Variants in CEP20 observed in about 807,000 individuals in gnomAD.
The protein encoded by CEP20 is FGFR1OP N-terminal like.
In CEP20, 18 loss-of-function variants were observed where a neutral mutation model predicts 20.0. That is an observed-to-expected ratio of 0.90 (90% CI 0.62 to 1.34). The LOEUF (loss-of-function observed/expected upper bound fraction) is 1.34, where lower values mean the gene tolerates loss of function less well. CEP20 is among the 40% of genes most tolerant of loss of function. The pLI is 0.00. For synonymous variants in CEP20, 77 were observed against 73.7 expected, an observed-to-expected ratio of 1.04 and a Z score of -0.23; for missense variants, 215 against 201.6, an observed-to-expected ratio of 1.07 and a Z score of -0.40.
intron 4 of CEP20, among the ~76,000 whole-genome samples, chr16:15,868,283 C>T (rs754747986): frequency 3.4e-4 from 51 of 152,008 alleles, no homozygotes; most frequent in Non-Finnish European, 6.2e-4. Flanking sequence ...ATTAGCCAGG[C>T]GTGGTGGCGG....
chr16:15,867,973 CAAAAAAAAAAA>C (rs34250443), intron 4 of CEP20, among the ~76,000 whole-genome samples: 1 of 69,644 alleles, frequency 1.4e-5, no homozygotes, highest in Admixed American at 1.7e-4. Flanking sequence ...AACTCGGTCT[CAAAAAAAAAAA>C]AAAAAAAAAG....
chr16:15,887,638 A>G (rs1404256522), intron 1 of CEP20, among the ~76,000 whole-genome samples: 1 of 152,238 alleles, frequency 6.6e-6, no homozygotes, highest in African/African-American at 2.4e-5. Context: ...TGCCTGACAC[A>G]TGAGGCTCAA....
At chr16:15,882,130 C>G (rs191805677) in intron 2 of CEP20, among the ~76,000 whole-genome samples, 1 of 152,328 alleles carries the variant, frequency 6.6e-6, no homozygotes, top group Admixed American at 6.5e-5. Flanking sequence ...CCCTTGGCCC[C>G]TGCCTTCACC....
intron 4 of CEP20, among the ~76,000 whole-genome samples, chr16:15,872,925 C>T (rs1263537091): frequency 6.6e-6 from 1 of 151,958 alleles, no homozygotes; most frequent in African/African-American, 2.4e-5. Flanking sequence ...AATGACTTCT[C>T]TATCTGTATT....
At chr16:15,883,883 T>A in intron 2 of CEP20, 125 bp downstream of exon 2, 1 of 715,948 alleles carries the variant, frequency 1.4e-6, no homozygotes, top group Admixed American at 3.1e-5. Context: ...ACCCATGTGA[T>A]TTTTGTGTCC....
rs1034668027 is a variant in CEP20 at position 15,866,387 on chromosome 16, C to G, written c.*1053G>C. 1 of 152,216 alleles carries G rather than the reference C, an allele frequency of 6.6e-6. No individual in the cohort carries two copies. The highest frequency in any genetic ancestry group is 2.4e-5 in the African/African-American group (1 of 41,460). 9.4% of individuals were successfully genotyped at this position (152,216 alleles called of 1,614,324 possible). ...TTAGGTGTGCAGGCAAAATTTAATTCTGAATATACCATCGAACTTTTGCCA... is the reference window on the plus strand; with the variant it reads ...TTAGGTGTGCAGGCAAAATTTAATTGTGAATATACCATCGAACTTTTGCCA... On this transcript the variant is annotated 3_prime_UTR_variant, in exon 5 of 5. Coordinates refer to ENST00000255759, the MANE Select transcript of CEP20 (RefSeq NM_144600.4).
Position 15,873,592 on chromosome 16 carries a change from C to T in CEP20, c.347G>A (p.Arg116His), listed in dbSNP as rs149912065. The change falls in exon 4 of 5, where the codon CGT becomes CAT. Residue 116 changes from arginine (R) to histidine (H), a missense_variant. By Grantham distance (29) the Arg-to-His change is conservative (BLOSUM62 0). Transcript: ENST00000255759. The part of the protein sequence containing the change: ...LLYGILAHFL[R>H]GTKDGIQNAF... ...ATTCTGGATGCCATCCTTAGTTCCACGCAAGAAATGGGCTAAAATCCCATA... is the reference window on the plus strand; with the variant it reads ...ATTCTGGATGCCATCCTTAGTTCCATGCAAGAAATGGGCTAAAATCCCATA... 880 of 1,613,862 alleles carry T rather than the reference C, an allele frequency of 5.5e-4. 7 individuals are homozygous for T. The South Asian group carries it at 6.2e-3, about 11-fold the overall frequency.
At chr16:15,886,247 A>G (rs771788688) in intron 1 of CEP20, 2 of 152,224 alleles carry the variant, frequency 1.3e-5, no homozygotes, top group Non-Finnish European at 2.9e-5. Flanking sequence ...AATAACGTCA[A>G]CAATAACCCT....
At chr16:15,869,107 G>A (rs116425133) in intron 4 of CEP20, among the ~76,000 whole-genome samples, 1 of 150,672 alleles carries the variant, frequency 6.6e-6, no homozygotes, top group Non-Finnish European at 1.5e-5. Flanking sequence ...GTGTGTGTGT[G>A]TATATATATA....
chr16:15,883,733 G>A lies in CEP20; in HGVS notation c.226+275C>T, dbSNP rs144160151. On this transcript the variant is annotated intron_variant, in intron 2 of 4. Transcript: ENST00000255759. ...GCTTAATACACAGGAAAAAACTGGT[G>A]GCAAACAGGACAAAACGTCAACAAT... Among the ~76,000 whole-genome samples, 869 of 152,090 alleles carry A rather than the reference G, an allele frequency of 5.7e-3. 7 individuals carry two copies. Among genetic ancestry groups the A allele is most frequent in the African/African-American group, 0.02 (823 of 41,482 alleles).
At chr16:15,875,510 A>G (rs1030549498) in intron 3 of CEP20, among the ~76,000 whole-genome samples, 5 of 152,178 alleles carry the variant, frequency 3.3e-5, no homozygotes, top group Admixed American at 6.6e-5. Context: ...AATTAGCCAC[A>G]GAAGGTAATA....
chr16:15,875,642 T>C (rs2044925673), intron 3 of CEP20, among the ~76,000 whole-genome samples: 1 of 152,172 alleles, frequency 6.6e-6, no homozygotes, highest in African/African-American at 2.4e-5. Flanking sequence ...TTCAAAAAGA[T>C]AAAGAAAAGT....
chr16:15,875,927 C>A (rs1297241368), intron 3 of CEP20, among the ~76,000 whole-genome samples: 1 of 150,282 alleles, frequency 6.7e-6, no homozygotes, highest in Non-Finnish European at 1.5e-5. Flanking sequence ...GGAGAAACCC[C>A]GTATCTACTA....
At chr16:15,881,273 T>G (rs1156968196) in intron 2 of CEP20, among the ~76,000 whole-genome samples, 1 of 152,196 alleles carries the variant, frequency 6.6e-6, no homozygotes, top group East Asian at 1.9e-4. Flanking sequence ...CCATTTAATA[T>G]GAAAACTTGA....
intron 3 of CEP20, among the ~76,000 whole-genome samples, chr16:15,879,534 C>CA (rs2045048155): frequency 1.3e-5 from 2 of 152,140 alleles, no homozygotes; most frequent in South Asian, 2.1e-4. Context: ...AATTAAAAAA[C>CA]AAACAAAGCC....
intron 3 of CEP20, among the ~76,000 whole-genome samples, chr16:15,876,208 T>A (rs1236260870): frequency 6.6e-6 from 1 of 151,320 alleles, no homozygotes; most frequent in Non-Finnish European, 1.5e-5. Flanking sequence ...CTTGGGCCGA[T>A]GGCTCACACC....
At chr16:15,876,816 CT>C (rs139036390) in intron 3 of CEP20, among the ~76,000 whole-genome samples, 31 of 143,920 alleles carry the variant, frequency 2.2e-4, no homozygotes, top group African/African-American at 5.1e-4. Context: ...GTTTTAGCAA[CT>C]TTTTTTTTTG....
chr16:15,871,002 C>A (rs1030774587), intron 4 of CEP20, among the ~76,000 whole-genome samples: 3 of 152,152 alleles, frequency 2.0e-5, no homozygotes, highest in Non-Finnish European at 4.4e-5. Context: ...GTGGCTCACA[C>A]CTGTAATCCC....
chr16:15,873,082 T>G (rs570951924), intron 4 of CEP20, among the ~76,000 whole-genome samples: 3 of 150,236 alleles, frequency 2.0e-5, no homozygotes, highest in Non-Finnish European at 4.4e-5. Context: ...TATTTTTTTG[T>G]TTTTTTTTAA....
Sources: gnomAD v4.1 joint callset for allele counts (sites outside exome capture counted in the v4.1 genomes callset) on GRCh38, gnomAD v4.1.1 for gene constraint, MANE v1.5 for transcripts, NCBI Gene and HGNC (gene_info 2026-07-23, HGNC 2026-07-21) for gene names.